The following WDTC1 variants were observed in gnomAD, a reference collection of about 807,000 sequenced individuals.
WDTC1 encodes WD and tetratricopeptide repeats 1.
Under a neutral mutation model 76.0 loss-of-function variants are expected in WDTC1, and 12 were observed. The observed-to-expected ratio is 0.16, with a 90% confidence interval of 0.10 to 0.26. WDTC1 has a LOEUF of 0.26. Ranked by LOEUF, WDTC1 falls within the 10% of genes least tolerant of loss-of-function variation. The pLI, the probability that WDTC1 is intolerant of heterozygous loss-of-function variation, is 1.00. For missense variants in WDTC1, 511 were observed against 908.8 expected, an observed-to-expected ratio of 0.56 and a Z score of 5.63; for synonymous variants, 326 against 350.8, an observed-to-expected ratio of 0.93 and a Z score of 0.79.
rs2013244714 is a variant in WDTC1, at chr1:27,283,387, C to T, written c.229C>T (p.Leu77=). 2 of 1,613,690 alleles carry T rather than the reference C, an allele frequency of 1.2e-6. No individual in the cohort carries two copies. The highest frequency in any genetic ancestry group is 2.2e-5 in the South Asian group (2 of 91,088). ...DDQHTIVWDP[L]HHKKLLSMHT... is the part of the protein sequence containing the mutation. ...CCAGCACACGATTGTGTGGGACCCG[C>T]TGCACCACAAGAAGCTGCTCTCCAT... The change falls in exon 5 of 16, where the codon CTG becomes TTG. Residue 77 remains leucine, a synonymous_variant. Coordinates refer to ENST00000319394, the MANE Select transcript of WDTC1 (RefSeq NM_001276252.2).
In WDTC1 at chr1:27,234,775, T is replaced by C. The variant is rs983190620; in HGVS notation, c.-276T>C. 2.8e-5 allele frequency: 11 copies of C among 397,358 alleles called. No individual in the cohort carries two copies. The highest frequency in any genetic ancestry group is 3.1e-5 in the Non-Finnish European group (7 of 225,804). The allele number at this position is 397,358 out of a possible 1,614,324, so 24.6% of individuals were successfully genotyped here. A position where few individuals can be genotyped will look rare whatever the true frequency, so the allele number is the denominator to read the frequency against. The stretch of plus-strand genomic sequence containing the variant: ...GGTGCGCAGGGGCGGGCGGAGGCGC[T>C]GTCCGGCCCCGGCCAGGCGCCGGGC... On this transcript the variant is annotated 5_prime_UTR_variant, in exon 1 of 16. Coordinates refer to ENST00000319394, the MANE Select transcript of WDTC1 (RefSeq NM_001276252.2).
intron 2 of WDTC1, among the ~76,000 whole-genome samples, 180 bp downstream of exon 2, chr1:27,261,282 C>G (rs1212750663): frequency 6.6e-6 from 1 of 152,162 alleles, no homozygotes; most frequent in Admixed American, 6.6e-5. Flanking sequence ...TGTCTAAGAA[C>G]ATGGATTTCA....
At chr1:27,253,641 T>A (rs1021046426) in intron 1 of WDTC1, among the ~76,000 whole-genome samples, 1 of 151,814 alleles carries the variant, frequency 6.6e-6, no homozygotes, top group African/African-American at 2.4e-5. Flanking sequence ...GCCGCCACAT[T>A]CAGGCATCTG....
chr1:27,265,714 G>A (rs2012640322), intron 3 of WDTC1, among the ~76,000 whole-genome samples: 1 of 152,106 alleles, frequency 6.6e-6, no homozygotes, highest in Non-Finnish European at 1.5e-5. Context: ...GGGAGGCTGA[G>A]GCAGGGGGAT....
At chr1:27,294,477 G>A in intron 8 of WDTC1, 37 bp from the exon 9 acceptor site, 2 of 1,583,948 alleles carry the variant, frequency 1.3e-6, no homozygotes, top group Non-Finnish European at 1.7e-6. Flanking sequence ...CTTTGAAAGG[G>A]ACTGGGACCC....
At position 27,305,381 on chromosome 1, in the gene WDTC1, G is replaced by A. The variant is rs1184390649; in HGVS notation, c.1836+188G>A. On this transcript the variant is annotated intron_variant, in intron 15 of 15. Transcript: ENST00000319394. The surrounding 1 kb of genome is among the most constrained non-coding windows in gnomAD (Gnocchi z 4.6). ...CAAATGCAGCAGCAATTCTCCAGAA[G>A]CTGTGCAGAGGCCCTGGTCACAAGG... is the stretch of plus-strand genomic sequence containing the variant. 1.3e-5 allele frequency among the ~76,000 whole-genome samples: 2 copies of A among 152,222 alleles called. No individual in the cohort carries two copies. The highest frequency in any genetic ancestry group is 4.8e-5 in the African/African-American group (2 of 41,452).
Position 27,297,168 on chromosome 1 carries a change from T to C in WDTC1, c.1058+12T>C, listed in dbSNP as rs1382530587. 6.3e-7 allele frequency: 1 copy of C among 1,590,840 alleles called. No homozygotes were observed. Among genetic ancestry groups the C allele is most frequent in the African/African-American group, 1.3e-5 (1 of 74,496 alleles). On this transcript the variant is annotated intron_variant, in intron 11 of 15. Transcript: ENST00000319394. ...AGGGGACATGTCAGGTGAGGCCAGC[T>C]GGCTTGTCCAGCCCTCCAAGCCCCA...
chr1:27,238,906 C>T (rs1419926245), intron 1 of WDTC1, among the ~76,000 whole-genome samples: 1 of 150,692 alleles, frequency 6.6e-6, no homozygotes, highest in Admixed American at 6.6e-5. Context: ...CAGGGTTTTG[C>T]CATGTTGCCC....
rs535747513 is a variant in WDTC1 at position 27,289,390 on chromosome 1, C to T, written c.479+1529C>T. Among the ~76,000 whole-genome samples the T allele has an allele frequency of 3.9e-3, 586 of 148,920 alleles. 2 individuals carry two copies. Among genetic ancestry groups the T allele is most frequent in the African/African-American group, 0.013 (526 of 40,250 alleles). On this transcript the variant is annotated intron_variant, in intron 6 of 15. Coordinates refer to ENST00000319394, the MANE Select transcript of WDTC1 (RefSeq NM_001276252.2). The stretch of plus-strand genomic sequence containing the variant: ...GCTCTTCACCTCCCAGACGGGGTCG[C>T]GGCCGGGCAGAGGCGCTCCTCACAT...
At position 27,251,176 on chromosome 1, in the gene WDTC1, C is replaced by T. The variant is rs537173623; in HGVS notation, c.-99-9780C>T. Among the ~76,000 whole-genome samples, 159 of 149,256 alleles carry T rather than the reference C, an allele frequency of 1.1e-3. 1 individual carries two copies. The highest frequency in any genetic ancestry group is 3.7e-3 in the African/African-American group (152 of 40,776). ...AAAATGCTGGGATTACAGGTGTGAG[C>T]GACCACACCTAGCCAGACTTCTATT... On this transcript the variant is annotated intron_variant, in intron 1 of 15. Transcript: ENST00000319394.
chr1:27,292,673 C>A (rs1393750475), intron 7 of WDTC1, among the ~76,000 whole-genome samples: 1 of 151,900 alleles, frequency 6.6e-6, no homozygotes, highest in Non-Finnish European at 1.5e-5. Context: ...GCAATCTTTC[C>A]ACCTCGACCT....
At chr1:27,251,182 C>T (rs1398173785) in intron 1 of WDTC1, among the ~76,000 whole-genome samples, 2 of 151,132 alleles carry the variant, frequency 1.3e-5, no homozygotes, top group Non-Finnish European at 2.9e-5. Context: ...TGAGCGACCA[C>T]ACCTAGCCAG....
intron 5 of WDTC1, among the ~76,000 whole-genome samples, chr1:27,287,078 G>T (rs867591337): frequency 6.6e-6 from 1 of 151,166 alleles, no homozygotes; most frequent in Non-Finnish European, 1.5e-5. Flanking sequence ...CAGGAGAATC[G>T]CTTGAACCCG....
chr1:27,271,651 T>G (rs2012871173), intron 3 of WDTC1, among the ~76,000 whole-genome samples: 1 of 149,252 alleles, frequency 6.7e-6, no homozygotes, highest in Non-Finnish European at 1.5e-5. Context: ...TAATTTATTT[T>G]ATTTGAGATG....
intron 1 of WDTC1, among the ~76,000 whole-genome samples, chr1:27,248,572 A>G (rs1557478409): frequency 6.6e-6 from 1 of 152,202 alleles, no homozygotes; most frequent in Admixed American, 6.5e-5. Context: ...ATAGTTTGCA[A>G]GTATTTTCTC....
chr1:27,241,503 G>A (rs1243536884), intron 1 of WDTC1, among the ~76,000 whole-genome samples: 1 of 152,074 alleles, frequency 6.6e-6, no homozygotes, highest in Non-Finnish European at 1.5e-5. Context: ...TCCCTTTTGA[G>A]TTACACATCT....
At chr1:27,293,953 G>A in intron 7 of WDTC1, 69 bp from the exon 8 acceptor site, 1 of 1,457,314 alleles carries the variant, frequency 6.9e-7, no homozygotes, top group Non-Finnish European at 9.5e-7. Context: ...TTTTCGTCTA[G>A]TGAGTGTGGT....
At chr1:27,261,756 C>A (rs2147932484) in intron 2 of WDTC1, among the ~76,000 whole-genome samples, 1 of 152,216 alleles carries the variant, frequency 6.6e-6, no homozygotes, top group South Asian at 2.1e-4. Flanking sequence ...CTCACCACTG[C>A]CCTAATTAAC....
intron 2 of WDTC1, 70 bp from the exon 3 acceptor site, chr1:27,263,082 A>T (rs2012534829): frequency 6.5e-7 from 1 of 1,538,008 alleles, no homozygotes; most frequent in Non-Finnish European, 8.9e-7. Flanking sequence ...AGAGCTGGAT[A>T]TATAATAGGC....
Sources: allele counts gnomAD v4.1 joint callset (sites outside exome capture counted in the v4.1 genomes callset), GRCh38; gene constraint gnomAD v4.1.1; non-coding constraint Gnocchi (gnomAD v3.1); transcripts MANE v1.5; gene names NCBI Gene and HGNC (gene_info 2026-07-23, HGNC 2026-07-21).